ANKS1B: variants seen among roughly 807,000 people sequenced by gnomAD.
ANKS1B encodes ankyrin repeat and sterile alpha motif domain-containing protein 1B.
A neutral mutation model predicts 148.3 loss-of-function variants in ANKS1B; 36 were observed. That is an observed-to-expected ratio of 0.24 (90% CI 0.19 to 0.32). The LOEUF is 0.32. Among genes scored for constraint, ANKS1B ranks in the 10% least tolerant of loss-of-function variants. The pLI is 1.00. For synonymous variants in ANKS1B, 542 were observed against 560.8 expected, an observed-to-expected ratio of 0.97 and a Z score of 0.47; for missense variants, 1,157 against 1,542.6, an observed-to-expected ratio of 0.75 and a Z score of 4.19.
intron 14 of ANKS1B, among the ~76,000 whole-genome samples, chr12:99,219,485 A>G (rs1164434595): frequency 6.6e-6 from 1 of 152,234 alleles, no homozygotes; most frequent in Non-Finnish European, 1.5e-5. Context: ...GTGGCCTTGT[A>G]GGGAGTGACA....
intron 14 of ANKS1B, among the ~76,000 whole-genome samples, chr12:99,232,439 G>A (rs901595343): frequency 6.6e-5 from 10 of 152,198 alleles, no homozygotes; most frequent in African/African-American, 2.2e-4. Context: ...ATAGGAGGGT[G>A]TTTATGAGAT....
intron 14 of ANKS1B, among the ~76,000 whole-genome samples, chr12:99,181,280 G>T (rs2079083378): frequency 6.6e-6 from 1 of 151,906 alleles, no homozygotes; most frequent in Admixed American, 6.6e-5. Context: ...CTTGCTCACA[G>T]AATAAAACTT....
chr12:99,612,777 A>G (rs2097913463), intron 9 of ANKS1B, among the ~76,000 whole-genome samples: 1 of 152,114 alleles, frequency 6.6e-6, no homozygotes, highest in Non-Finnish European at 1.5e-5. Flanking sequence ...GAAACATTAA[A>G]ACATTATTCT....
rs887584886 is a variant in ANKS1B at position 99,453,035 on chromosome 12, A to T, written c.1439-9226T>A. On this transcript the variant is annotated intron_variant, in intron 10 of 26. Transcript: ENST00000683438. The stretch of plus-strand genomic sequence containing the variant: ...GCCGGGCACAGTGGCTCACGCCTGT[A>T]ATCCTAGCACTTTGGGAGGCCAAGG... 7.2e-5 allele frequency among the ~76,000 whole-genome samples: 11 copies of T among 152,324 alleles called. No homozygotes were observed. The South Asian group carries it at 1.9e-3, about 26-fold the overall frequency.
chr12:99,685,727 T>G (rs1003417823), intron 8 of ANKS1B, among the ~76,000 whole-genome samples: 1 of 151,118 alleles, frequency 6.6e-6, no homozygotes, highest in African/African-American at 2.4e-5. Context: ...GGGGTGTGTT[T>G]ATGTGTGTGT....
At chr12:98,876,461 A>G (rs1243083100) in intron 17 of ANKS1B, among the ~76,000 whole-genome samples, 1 of 152,194 alleles carries the variant, frequency 6.6e-6, no homozygotes, top group Non-Finnish European at 1.5e-5. Flanking sequence ...AATGTAATTG[A>G]ACAGATTACA....
chr12:99,369,791 T>TAGATAGACGGAG (rs879173702), intron 12 of ANKS1B, among the ~76,000 whole-genome samples: 1 of 148,770 alleles, frequency 6.7e-6, no homozygotes, highest in South Asian at 2.2e-4. Context: ...GATAGATAGA[T>TAGATAGACGGAG]GGACGGACGG....
Position 99,403,152 on chromosome 12 carries a change from CTTTTTTTTTTTTTTT to C in ANKS1B, c.1576-3356_1576-3342del, listed in dbSNP as rs143800860. On this transcript the variant is annotated intron_variant, in intron 11 of 26. Transcript: ENST00000683438. ...CAGCAGTGTCTGTTCACTTTTCTTT[CTTTTTTTTTTTTTTT>C]TTTTTTTTTTTGAGACGGAGTCTCT... 1.8e-4 allele frequency among the ~76,000 whole-genome samples: 13 copies of C among 73,150 alleles called. 1 individual carries two copies. The highest frequency in any genetic ancestry group is 8.5e-4 in the African/African-American group (13 of 15,316). 48.0% of individuals were successfully genotyped at this position (73,150 alleles called of 152,430 possible).
intron 8 of ANKS1B, among the ~76,000 whole-genome samples, chr12:99,675,633 T>A (rs1401504278): frequency 1.3e-5 from 2 of 151,930 alleles, no homozygotes; most frequent in Non-Finnish European, 2.9e-5. Context: ...TGATGTTATA[T>A]GTGTCAATGA....
At chr12:99,007,999 C>T (rs1163688815) in intron 17 of ANKS1B, among the ~76,000 whole-genome samples, 1 of 151,758 alleles carries the variant, frequency 6.6e-6, no homozygotes, top group East Asian at 1.9e-4. Flanking sequence ...GCTCTAACTA[C>T]ACTGCTTGCA....
chr12:99,670,487 T>C (rs1229355282), intron 8 of ANKS1B, among the ~76,000 whole-genome samples: 1 of 152,078 alleles, frequency 6.6e-6, no homozygotes, highest in Non-Finnish European at 1.5e-5. Flanking sequence ...GCCCAATATT[T>C]CAAATAAATT....
In ANKS1B at chr12:99,741,308, G is replaced by A. The variant is rs1187968909; in HGVS notation, c.1128+31614C>T. 2.0e-5 allele frequency among the ~76,000 whole-genome samples: 3 copies of A among 151,876 alleles called. No homozygotes were observed. In the East Asian group the frequency reaches 5.8e-4, roughly 29 times the overall value. The stretch of plus-strand genomic sequence containing the variant: ...TAGGAAAGCTTTACACTGTTGATGG[G>A]AGTTCGACCATTGTGGAAGACAGTG... On this transcript the variant is annotated intron_variant, in intron 8 of 26. Transcript: ENST00000683438.
intron 17 of ANKS1B, among the ~76,000 whole-genome samples, chr12:98,841,540 G>T (rs1292513124): frequency 4.6e-5 from 7 of 152,126 alleles, no homozygotes; most frequent in Admixed American, 1.3e-4. Context: ...TTTTATGTGG[G>T]AGGAGGTAAA....
chr12:99,023,222 C>T (rs1307482726), intron 17 of ANKS1B, among the ~76,000 whole-genome samples: 1 of 152,000 alleles, frequency 6.6e-6, no homozygotes, highest in African/African-American at 2.4e-5. Context: ...GTTTTACTTA[C>T]ATATTTACCA....
intron 17 of ANKS1B, among the ~76,000 whole-genome samples, chr12:98,951,268 T>C (rs767819456): frequency 6.6e-6 from 1 of 152,190 alleles, no homozygotes; most frequent in African/African-American, 2.4e-5. Context: ...CTATGAGACA[T>C]AGCGTGAAAC....
At chr12:99,826,677 T>C (rs919718277) in intron 1 of ANKS1B, among the ~76,000 whole-genome samples, 2 of 152,170 alleles carry the variant, frequency 1.3e-5, no homozygotes, top group Admixed American at 1.3e-4. Context: ...CTTAAGTCTC[T>C]GACTTACTTA....
At chr12:99,489,333 C>T (rs1018046332) in intron 10 of ANKS1B, among the ~76,000 whole-genome samples, 3 of 150,826 alleles carry the variant, frequency 2.0e-5, no homozygotes, top group Admixed American at 6.6e-5. Flanking sequence ...AAAGAAAATA[C>T]ATCAGAATAT....
intron 14 of ANKS1B, among the ~76,000 whole-genome samples, chr12:99,193,793 C>CT (rs34024548): frequency 0.52 from 34,497 of 66,882 alleles, 14,261 homozygotes; most frequent in Non-Finnish European, 0.7. Flanking sequence ...ATTTCTAGTT[C>CT]TTTTTTTTTT....
intron 11 of ANKS1B, among the ~76,000 whole-genome samples, chr12:99,434,482 A>G (rs950339685): frequency 5.9e-5 from 9 of 152,260 alleles, no homozygotes; most frequent in Admixed American, 3.9e-4. Context: ...ACTAATAGGC[A>G]TTAAGGTTTC....
Sources: gnomAD v4.1 joint callset for allele counts (sites outside exome capture counted in the v4.1 genomes callset) on GRCh38, gnomAD v4.1.1 for gene constraint, MANE v1.5 for transcripts, NCBI Gene and HGNC (gene_info 2026-07-23, HGNC 2026-07-21) for gene names.